The following WSCD2 variants were observed in gnomAD, a reference collection of about 807,000 sequenced individuals.
The protein encoded by WSCD2 is sialate:O-sulfotransferase 2.
A neutral mutation model predicts 55.7 loss-of-function variants in WSCD2; 28 were observed. The observed-to-expected ratio is 0.50, with a 90% CI of 0.37 to 0.69. The LOEUF (loss-of-function observed/expected upper bound fraction) is 0.69. WSCD2 is among the 30% of genes least tolerant of loss of function. WSCD2 has a pLI of 0.00. For missense variants in WSCD2, 616 were observed against 762.1 expected (o/e 0.81, Z 2.26); for synonymous variants, 301 against 301.9 (o/e 1.00, Z 0.03).
intron 6 of WSCD2, 127 bp from the exon 7 acceptor site, chr12:108,232,604 C>A: frequency 3.4e-6 from 3 of 894,902 alleles, no homozygotes; most frequent in Non-Finnish European, 5.0e-6. Flanking sequence ...CCATGACCCA[C>A]GCAAGTGTCC....
chr12:108,198,454 G>A (rs1884237468), intron 2 of WSCD2, among the ~76,000 whole-genome samples: 1 of 152,152 alleles, frequency 6.6e-6, no homozygotes, highest in Admixed American at 6.5e-5. Context: ...CCCTGGCATG[G>A]CCCTTATATG....
intron 1 of WSCD2, among the ~76,000 whole-genome samples, chr12:108,159,503 C>T (rs932662574): frequency 7.2e-5 from 11 of 152,202 alleles, no homozygotes; most frequent in South Asian, 6.2e-4. Context: ...TTGTGATCCC[C>T]GTGGAGGGTA....
intron 1 of WSCD2, among the ~76,000 whole-genome samples, chr12:108,131,115 T>TA (rs1258814313): frequency 6.6e-6 from 1 of 152,138 alleles, no homozygotes; most frequent in African/African-American, 2.4e-5. Flanking sequence ...GCTGCGTCCC[T>TA]AGGCTGCCAA....
chr12:108,225,243 GA>G (rs1409270835), intron 5 of WSCD2, among the ~76,000 whole-genome samples: 32 of 152,326 alleles, frequency 2.1e-4, no homozygotes, highest in African/African-American at 7.2e-4. Flanking sequence ...GAAGGCAAAG[GA>G]AAAGCAAAGG....
chr12:108,140,893 C>T (rs914750996), intron 1 of WSCD2, among the ~76,000 whole-genome samples: 3 of 152,230 alleles, frequency 2.0e-5, no homozygotes, highest in African/African-American at 7.2e-5. Flanking sequence ...AGAACGTGGG[C>T]CTTTCACATC....
At chr12:108,140,210 C>T (rs549852088) in intron 1 of WSCD2, among the ~76,000 whole-genome samples, 181 of 152,244 alleles carry the variant, frequency 1.2e-3, no homozygotes, top group Middle Eastern at 0.01. Flanking sequence ...AACCACTCTT[C>T]GCCTCCGTTT....
intron 2 of WSCD2, 79 bp downstream of exon 2, chr12:108,196,293 T>G: frequency 6.8e-7 from 1 of 1,471,306 alleles, no homozygotes; most frequent in East Asian, 2.5e-5. Context: ...CAGCTGTCAG[T>G]TTTCAGTGTT....
intron 1 of WSCD2, among the ~76,000 whole-genome samples, chr12:108,179,347 C>A (rs777483290): frequency 1.5e-4 from 23 of 152,210 alleles, no homozygotes; most frequent in Non-Finnish European, 3.1e-4. Flanking sequence ...AGAACTCCTG[C>A]TCTATGCAGC....
chr12:108,154,354 C>G (rs530942082), intron 1 of WSCD2, among the ~76,000 whole-genome samples: 2 of 152,320 alleles, frequency 1.3e-5, no homozygotes, highest in South Asian at 4.2e-4. Context: ...TCCCTTGGGT[C>G]ATGACCCCTT....
At chr12:108,132,086 A>G (rs1171573219) in intron 1 of WSCD2, among the ~76,000 whole-genome samples, 1 of 151,908 alleles carries the variant, frequency 6.6e-6, no homozygotes, top group Non-Finnish European at 1.5e-5. Context: ...GTATGCACAC[A>G]TGGGGGAATG....
chr12:108,158,301 G>A (rs933068624), intron 1 of WSCD2, among the ~76,000 whole-genome samples: 1 of 152,204 alleles, frequency 6.6e-6, no homozygotes, highest in Non-Finnish European at 1.5e-5. Context: ...AGAGGTTCAA[G>A]TTCAGAGCAC....
chr12:108,188,451 C>T (rs1041736231), intron 1 of WSCD2, among the ~76,000 whole-genome samples: 1 of 152,278 alleles, frequency 6.6e-6, no homozygotes, highest in Middle Eastern at 3.4e-3. Flanking sequence ...AACTACAGCA[C>T]ACCAATGAAT....
chr12:108,137,727 A>G (rs1314653282), intron 1 of WSCD2, among the ~76,000 whole-genome samples: 4 of 152,250 alleles, frequency 2.6e-5, no homozygotes, highest in African/African-American at 9.6e-5. Flanking sequence ...AGGCAGGAGC[A>G]AGGGCAAGGA....
chr12:108,170,069 T>TC (rs1295687888), intron 1 of WSCD2, among the ~76,000 whole-genome samples: 1 of 152,132 alleles, frequency 6.6e-6, no homozygotes, highest in Non-Finnish European at 1.5e-5. Context: ...TGCTTTTCTC[T>TC]CCCCAAAGGC....
chr12:108,195,951 T>C lies in WSCD2; in HGVS notation c.119T>C (p.Val40Ala). 1 of 1,614,138 alleles carries C rather than the reference T, an allele frequency of 6.2e-7. No individual in the cohort carries two copies. The highest frequency in any genetic ancestry group is 8.5e-7 in the Non-Finnish European group (1 of 1,180,006). Residue 40 changes from valine to alanine, a missense_variant, in exon 2 of 9, where the codon GTG becomes GCG. Val to Ala is a moderately conservative substitution (Grantham distance 64). Transcript: ENST00000547525. ...CTTGTCTTCCTTCACTCTGGCTTTGTGGGCCAGCCCGCTGTCTCGGGGAAC... is the reference window on the plus strand; with the variant it reads ...CTTGTCTTCCTTCACTCTGGCTTTGCGGGCCAGCCCGCTGTCTCGGGGAAC... ...GSLVFLHSGF[V>A]GQPAVSGNQA...
intron 1 of WSCD2, among the ~76,000 whole-genome samples, chr12:108,146,330 G>A (rs986789957): frequency 6.6e-6 from 1 of 152,106 alleles, no homozygotes; most frequent in Admixed American, 6.5e-5. Flanking sequence ...GTTGAGTGTG[G>A]GTGCGCCCCA....
chr12:108,231,923 AGAAGGAAG>A, intron 6 of WSCD2, among the ~76,000 whole-genome samples: 1 of 152,298 alleles, frequency 6.6e-6, no homozygotes, highest in East Asian at 1.9e-4. Flanking sequence ...GAGGGAAGGA[AGAAGGAAG>A]GAAGGAAGGA....
intron 8 of WSCD2, among the ~76,000 whole-genome samples, chr12:108,243,058 A>G (rs1217527968): frequency 6.6e-6 from 1 of 152,174 alleles, no homozygotes; most frequent in East Asian, 1.9e-4. Flanking sequence ...CACTCAGCCC[A>G]TTCTTCCCCT....
chr12:108,248,455 C>G lies in WSCD2; in HGVS notation c.*112C>G, dbSNP rs1432585978. ...GTCCTCTCTTTGGTCTGGGGACAAT[C>G]CCCTTGGCTGCTCTTTGCCTTCAAT... On this transcript the variant is annotated 3_prime_UTR_variant, in exon 9 of 9. Coordinates refer to ENST00000547525, the MANE Select transcript of WSCD2 (RefSeq NM_014653.4). This position sits in a 1 kb window ranked among gnomAD's most constrained non-coding sequence, Gnocchi z 4.3. The G allele has an allele frequency of 6.9e-7, 1 of 1,451,538 alleles. No individual in the cohort carries two copies. Among genetic ancestry groups the G allele is most frequent in the African/African-American group, 1.4e-5 (1 of 70,144 alleles). 89.9% of individuals were successfully genotyped at this position (1,451,538 alleles called of 1,614,324 possible).
Sources: gnomAD v4.1 joint callset for allele counts (sites outside exome capture counted in the v4.1 genomes callset) on GRCh38, gnomAD v4.1.1 for gene constraint, Gnocchi (gnomAD v3.1) non-coding constraint, MANE v1.5 for transcripts, NCBI Gene and HGNC (gene_info 2026-07-23, HGNC 2026-07-21) for gene names.